WDFY4: variants seen among roughly 807,000 people sequenced by gnomAD.
WDFY4 encodes the protein WDFY family member 4, also known as WD repeat- and FYVE domain-containing protein 4.
A neutral mutation model predicts 351.9 loss-of-function variants in WDFY4; 169 were observed. The ratio of observed to expected loss-of-function variants is 0.48; its 90% confidence interval spans 0.42 to 0.55. WDFY4 has a LOEUF of 0.55. Among genes scored for constraint, WDFY4 ranks in the 20% least tolerant of loss-of-function variants. The pLI, the probability that WDFY4 is intolerant of heterozygous loss-of-function variation, is 0.00. For synonymous variants in WDFY4, 1,622 were observed against 1,574.6 expected (o/e 1.03, Z -0.71); for missense variants, 3,803 against 3,935.6 (o/e 0.97, Z 0.90).
At chr10:48,928,119 T>A (rs1427245441) in intron 47 of WDFY4, among the ~76,000 whole-genome samples, 2 of 152,092 alleles carry the variant, frequency 1.3e-5, no homozygotes, top group Non-Finnish European at 1.5e-5. Context: ...TCACAGCTCC[T>A]CTCCTCCCGC....
At chr10:48,936,608 A>G (rs1407755224) in intron 47 of WDFY4, among the ~76,000 whole-genome samples, 2 of 59,810 alleles carry the variant, frequency 3.3e-5, no homozygotes, top group Admixed American at 4.2e-4. Context: ...GAGGCCGAAG[A>G]GGGTGGATCA....
intron 2 of WDFY4, among the ~76,000 whole-genome samples, chr10:48,711,311 A>G (rs1274954448): frequency 1.3e-5 from 2 of 152,208 alleles, no homozygotes; most frequent in African/African-American, 4.8e-5. Context: ...CAGACTGCAT[A>G]ACTAGGGCTA....
At chr10:48,776,665 C>G (rs890665741) in intron 15 of WDFY4, 85 bp from the exon 16 acceptor site, 1 of 1,278,820 alleles carries the variant, frequency 7.8e-7, no homozygotes, top group African/African-American at 1.5e-5. Flanking sequence ...TTCTGGGCTG[C>G]GGCAGATACT....
intron 12 of WDFY4, among the ~76,000 whole-genome samples, chr10:48,750,780 C>A (rs1442180032): frequency 6.6e-6 from 1 of 152,268 alleles, no homozygotes; most frequent in African/African-American, 2.4e-5. Context: ...AGGCACTGTA[C>A]ATCTATCAAT....
At chr10:48,827,784 C>T (rs999032984) in intron 36 of WDFY4, among the ~76,000 whole-genome samples, 1 of 151,872 alleles carries the variant, frequency 6.6e-6, no homozygotes, top group African/African-American at 2.4e-5. Flanking sequence ...ATTGACTTCT[C>T]ATAAAACTCT....
intron 18 of WDFY4, 140 bp downstream of exon 18, chr10:48,778,972 C>A: frequency 1.1e-6 from 1 of 945,440 alleles, no homozygotes; most frequent in Non-Finnish European, 1.6e-6. Flanking sequence ...CCCTTGGGTT[C>A]CATACCTGGT....
chr10:48,877,178 A>T lies in WDFY4; in HGVS notation c.7146A>T (p.Gln2382His), dbSNP rs185388837. The T allele has an allele frequency of 2.6e-5, 41 of 1,551,614 alleles. No individual in the cohort carries two copies. The East Asian group carries it at 9.3e-4, about 35-fold the overall frequency. The change falls in exon 43 of 62, where the codon CAA (glutamine) becomes CAT (histidine). Residue 2382 changes from glutamine to histidine, a missense_variant. This residue lies in a region of WDFY4 where 3,054 missense variants were observed against 3,148.6 expected (regional missense o/e 0.97). Coordinates refer to ENST00000325239, the MANE Select transcript of WDFY4 (RefSeq NM_001394531.1). ...ELCRERQVIL[Q>H]ELLDKEKVTQ... ...GTCGGGAAAGACAAGTTATTTTACA[A>T]GAGCTTCTTGATAAAGAAAAGGTAA...
At chr10:48,812,530 C>G (rs1310803495) in intron 30 of WDFY4, among the ~76,000 whole-genome samples, 1 of 152,106 alleles carries the variant, frequency 6.6e-6, no homozygotes, top group Non-Finnish European at 1.5e-5. Flanking sequence ...CCTTTTCTAC[C>G]AACCCGTTCC....
At chr10:48,859,327 T>C (rs1564424165) in intron 39 of WDFY4, among the ~76,000 whole-genome samples, 1 of 152,224 alleles carries the variant, frequency 6.6e-6, no homozygotes, top group Non-Finnish European at 1.5e-5. Flanking sequence ...TCATTATTTA[T>C]CACTAAATAA....
At chr10:48,707,383 G>A (rs536179287) in intron 1 of WDFY4, among the ~76,000 whole-genome samples, 4 of 152,268 alleles carry the variant, frequency 2.6e-5, no homozygotes, top group African/African-American at 9.6e-5. Context: ...GAACTGAGCA[G>A]TCATACTCCC....
intron 51 of WDFY4, among the ~76,000 whole-genome samples, chr10:48,952,936 T>C (rs942178634): frequency 6.6e-6 from 1 of 152,132 alleles, no homozygotes; most frequent in Non-Finnish European, 1.5e-5. Flanking sequence ...AGCTTTCCTT[T>C]CCCCTCACAC....
At chr10:48,833,350 AG>A (rs1266853632) in intron 39 of WDFY4, among the ~76,000 whole-genome samples, 1 of 152,016 alleles carries the variant, frequency 6.6e-6, no homozygotes, top group Non-Finnish European at 1.5e-5. Flanking sequence ...TGAGACCTTA[AG>A]GGGGGCTATT....
chr10:48,854,798 A>G (rs527607808), intron 39 of WDFY4, among the ~76,000 whole-genome samples: 1 of 152,308 alleles, frequency 6.6e-6, no homozygotes, highest in East Asian at 1.9e-4. Context: ...TGTCATCATG[A>G]CAAGGCCTAT....
At chr10:48,981,580 C>T in intron 61 of WDFY4, 102 bp downstream of exon 61, 1 of 1,042,756 alleles carries the variant, frequency 9.6e-7, no homozygotes, top group Non-Finnish European at 1.4e-6. Context: ...GCCGAGGAGG[C>T]CACTTCACTC....
At chr10:48,801,339 G>C (rs1416029164) in intron 24 of WDFY4, among the ~76,000 whole-genome samples, 1 of 152,206 alleles carries the variant, frequency 6.6e-6, no homozygotes, top group African/African-American at 2.4e-5. Context: ...TGAGAGGCTG[G>C]AACTTTTGTG....
At chr10:48,834,590 A>G (rs1016298484) in intron 39 of WDFY4, among the ~76,000 whole-genome samples, 2 of 152,204 alleles carry the variant, frequency 1.3e-5, no homozygotes, top group Admixed American at 1.3e-4. Context: ...TTGTGCCCAT[A>G]TACCTGCTCC....
At chr10:48,953,082 G>T (rs1302202679) in intron 51 of WDFY4, among the ~76,000 whole-genome samples, 1 of 151,876 alleles carries the variant, frequency 6.6e-6, no homozygotes, top group African/African-American at 2.4e-5. Context: ...GGAAGATCCC[G>T]CCTCTCCTCA....
intron 12 of WDFY4, 34 bp from the exon 13 acceptor site, chr10:48,760,313 C>T (rs764831494): frequency 1.3e-5 from 20 of 1,536,454 alleles, no homozygotes; most frequent in South Asian, 6.0e-5. Flanking sequence ...CTGGAAGGTC[C>T]GTGTCTCATG....
Position 48,817,307 on chromosome 10 carries a change from C to T in WDFY4, c.5403C>T (p.Phe1801=), listed in dbSNP as rs1328198031. 1.3e-6 allele frequency: 2 copies of T among 1,551,602 alleles called. No homozygotes were observed. Among genetic ancestry groups the T allele is most frequent in the African/African-American group, 1.4e-5 (1 of 73,070 alleles). The change falls in exon 32 of 62, where the codon TTC becomes TTT. Residue 1801 remains phenylalanine (F), a synonymous_variant. Coordinates refer to ENST00000325239, the MANE Select transcript of WDFY4 (RefSeq NM_001394531.1). ...CCTTCCCGGCCAGCGTGCTGCAGTT[C>T]CTCAGCCTCGTCCACCGCACCTACC... is the stretch of plus-strand genomic sequence containing the variant. ...AQTFPASVLQ[F]LSLVHRTYPQ...
Sources: allele counts gnomAD v4.1 joint callset (sites outside exome capture counted in the v4.1 genomes callset), GRCh38; gene constraint gnomAD v4.1.1; regional missense constraint gnomAD v4.1.1; transcripts MANE v1.5; gene names NCBI Gene and HGNC (gene_info 2026-07-23, HGNC 2026-07-21).